The following ARHGAP32 variants were observed in gnomAD, a reference collection of about 807,000 sequenced individuals.
ARHGAP32 encodes Rho GTPase activating protein 32.
ARHGAP32 carries 51 observed loss-of-function variants against 186.5 expected under a neutral mutation model. The observed-to-expected ratio is 0.27, with a 90% CI of 0.22 to 0.35. The LOEUF (loss-of-function observed/expected upper bound fraction) is 0.35. Ranked by LOEUF, ARHGAP32 falls within the 10% of genes least tolerant of loss-of-function variation. The pLI, the probability that ARHGAP32 is intolerant of heterozygous loss-of-function variation, is 1.00. For missense variants in ARHGAP32, 2,186 were observed against 2,623.5 expected (o/e 0.83, Z 3.64); for synonymous variants, 950 against 964.3 (o/e 0.99, Z 0.27).
At chr11:129,029,819 A>AAC (rs1939032514) in intron 11 of ARHGAP32, among the ~76,000 whole-genome samples, 1 of 150,680 alleles carries the variant, frequency 6.6e-6, no homozygotes, top group African/African-American at 2.4e-5. Context: ...AAAAAAAAAA[A>AAC]AAAAAAACGG....
chr11:129,264,762 G>C (rs1457528166), intron 1 of ARHGAP32, among the ~76,000 whole-genome samples: 1 of 152,128 alleles, frequency 6.6e-6, no homozygotes, highest in Non-Finnish European at 1.5e-5. Context: ...ATCAGGTCTG[G>C]GAAGGTACTG....
chr11:129,221,919 G>A (rs531096106), intron 1 of ARHGAP32, among the ~76,000 whole-genome samples: 5 of 152,078 alleles, frequency 3.3e-5, no homozygotes, highest in African/African-American at 9.6e-5. Context: ...GTGGACACTC[G>A]AATCTTCTCT....
intron 11 of ARHGAP32, among the ~76,000 whole-genome samples, chr11:129,008,334 G>GAATCCA (rs1439552005): frequency 6.6e-6 from 1 of 152,112 alleles, no homozygotes; most frequent in Non-Finnish European, 1.5e-5. Flanking sequence ...AGTAGTGAGT[G>GAATCCA]AATCCAAACC....
chr11:129,194,577 T>C (rs1450009073), upstream of ARHGAP32, among the ~76,000 whole-genome samples: 1 of 152,022 alleles, frequency 6.6e-6, no homozygotes, highest in Non-Finnish European at 1.5e-5. Context: ...GCAGACTATC[T>C]ATGGAAGAAG....
rs539184764 is a variant in ARHGAP32, at chr11:129,072,392, G to A, written c.532-5524C>T. On this transcript the variant is annotated intron_variant, in intron 6 of 22. Coordinates refer to ENST00000682385, the MANE Select transcript of ARHGAP32 (RefSeq NM_001378024.1). Reference sequence around the variant, plus strand: ...TCCATTTCAGAAGTGATCAATGTCCGTCTAGTTACAAAGTAATCACTGGAC... The same window carrying A: ...TCCATTTCAGAAGTGATCAATGTCCATCTAGTTACAAAGTAATCACTGGAC... Among the ~76,000 whole-genome samples the A allele has an allele frequency of 1.2e-4, 18 of 152,238 alleles. No homozygotes were observed. The South Asian group carries it at 2.3e-3, about 19-fold the overall frequency.
intron 5 of ARHGAP32, among the ~76,000 whole-genome samples, chr11:129,117,529 G>A (rs1285259918): frequency 6.6e-6 from 1 of 151,938 alleles, no homozygotes; most frequent in Non-Finnish European, 1.5e-5. Context: ...TGCATGTAAT[G>A]ATAGAAAGCC....
At chr11:129,149,553 A>T (rs771604631) in intron 2 of ARHGAP32, among the ~76,000 whole-genome samples, 1 of 152,196 alleles carries the variant, frequency 6.6e-6, no homozygotes, top group African/African-American at 2.4e-5. Flanking sequence ...ACTGCAGTCC[A>T]GCTCTTAGGA....
At chr11:129,248,518 C>T (rs1945134656) in intron 1 of ARHGAP32, among the ~76,000 whole-genome samples, 1 of 152,194 alleles carries the variant, frequency 6.6e-6, no homozygotes, top group Non-Finnish European at 1.5e-5. Flanking sequence ...AAGTAGTGCT[C>T]TGTGCCTAAA....
At chr11:129,152,884 CG>C in intron 2 of ARHGAP32, among the ~76,000 whole-genome samples, 1 of 152,050 alleles carries the variant, frequency 6.6e-6, no homozygotes, top group South Asian at 2.1e-4. Context: ...AAGTCCTGGC[CG>C]GAACAATCAG....
chr11:129,002,139 T>C (rs186323269), intron 11 of ARHGAP32, among the ~76,000 whole-genome samples: 2 of 152,298 alleles, frequency 1.3e-5, no homozygotes, highest in African/African-American at 2.4e-5. Context: ...AAGTATGTCA[T>C]TGGTATTTTG....
At chr11:129,209,638 ACTGGTTCTATTC>A (rs1391202692) in intron 1 of ARHGAP32, among the ~76,000 whole-genome samples, 2 of 149,088 alleles carry the variant, frequency 1.3e-5, no homozygotes, top group African/African-American at 4.9e-5. Flanking sequence ...AAACTGAAAC[ACTGGTTCTATTC>A]CTGGTTTACA....
At chr11:129,030,121 A>G (rs1036932801) in intron 11 of ARHGAP32, among the ~76,000 whole-genome samples, 3 of 152,136 alleles carry the variant, frequency 2.0e-5, no homozygotes, top group African/African-American at 4.8e-5. Flanking sequence ...GGATTTTAAC[A>G]ATCTGATTCT....
intron 1 of ARHGAP32, among the ~76,000 whole-genome samples, chr11:129,208,561 A>C (rs140205433): frequency 2.3e-3 from 350 of 152,270 alleles, no homozygotes; most frequent in African/African-American, 8.3e-3. Context: ...ATTAAGGAGG[A>C]GTTCTTAAGT....
At chr11:129,214,964 C>T (rs1944627386) in intron 1 of ARHGAP32, among the ~76,000 whole-genome samples, 1 of 152,182 alleles carries the variant, frequency 6.6e-6, no homozygotes, top group African/African-American at 2.4e-5. Flanking sequence ...TTGTCCATCA[C>T]TAAACCAAGT....
intron 12 of ARHGAP32, among the ~76,000 whole-genome samples, chr11:128,996,677 C>CT (rs1265165639): frequency 4.6e-5 from 7 of 152,076 alleles, no homozygotes; most frequent in Non-Finnish European, 5.9e-5. Flanking sequence ...TAAAACCATA[C>CT]TTTTTTCTCA....
At chr11:129,252,919 A>T (rs1469197616) in intron 1 of ARHGAP32, among the ~76,000 whole-genome samples, 1 of 152,198 alleles carries the variant, frequency 6.6e-6, no homozygotes, top group Non-Finnish European at 1.5e-5. Context: ...TGAATCTTGC[A>T]TATGCATCTT....
intron 6 of ARHGAP32, among the ~76,000 whole-genome samples, chr11:129,087,461 T>C (rs1400431950): frequency 1.4e-4 from 22 of 152,182 alleles, no homozygotes; most frequent in Non-Finnish European, 4.4e-5. Context: ...GAAATTCAAA[T>C]GCATATTACT....
chr11:129,116,874 T>G (rs1942382347), intron 5 of ARHGAP32, among the ~76,000 whole-genome samples: 1 of 151,970 alleles, frequency 6.6e-6, no homozygotes. Flanking sequence ...TCTGCCTTTC[T>G]CTAAAGCCCT....
intron 11 of ARHGAP32, among the ~76,000 whole-genome samples, chr11:129,010,802 G>C (rs900397107): frequency 6.6e-6 from 1 of 152,092 alleles, no homozygotes; most frequent in African/African-American, 2.4e-5. Flanking sequence ...TCTGATTTCT[G>C]TTTCAGATTT....
Sources: allele counts gnomAD v4.1 joint callset (sites outside exome capture counted in the v4.1 genomes callset), GRCh38; gene constraint gnomAD v4.1.1; transcripts MANE v1.5; gene names NCBI Gene and HGNC (gene_info 2026-07-23, HGNC 2026-07-21).